The following SPRR2G variants were observed in gnomAD, a reference collection of about 807,000 sequenced individuals.
The protein encoded by SPRR2G is small proline rich protein 2G, also known as small proline-rich protein 2G.
In SPRR2G, 1 loss-of-function variant was observed where a neutral mutation model predicts 0.7. The observed-to-expected ratio is 1.49, with a 90% CI of 0.53 to 7.06. The LOEUF is 7.06. SPRR2G is among the 30% of genes most tolerant of loss of function. SPRR2G has a pLI of 0.14. For synonymous variants in SPRR2G, 38 were observed against 33.9 expected, an observed-to-expected ratio of 1.12 and a Z score of -0.42; for missense variants, 96 against 88.5, an observed-to-expected ratio of 1.09 and a Z score of -0.34.
the SPRR2G span, among the ~76,000 whole-genome samples, chr1:153,188,629 C>T: frequency 6.6e-6 from 1 of 152,306 alleles, no homozygotes; most frequent in Admixed American, 6.5e-5. Flanking sequence ...ATGGGACCCG[C>T]TGATCAAGAT....
chr1:153,182,834 G>A, the SPRR2G span, among the ~76,000 whole-genome samples: 2 of 152,138 alleles, frequency 1.3e-5, no homozygotes, highest in Non-Finnish European at 2.9e-5. Flanking sequence ...TGTGAATAGT[G>A]CTACAATAAA....
chr1:153,183,066 T>C, the SPRR2G span, among the ~76,000 whole-genome samples: 4 of 151,264 alleles, frequency 2.6e-5, no homozygotes, highest in African/African-American at 9.7e-5. Context: ...GACTTTTTTT[T>C]TCTTTTTTTT....
At chr1:153,159,706 A>G in the SPRR2G span, among the ~76,000 whole-genome samples, 2 of 152,214 alleles carry the variant, frequency 1.3e-5, no homozygotes, top group Non-Finnish European at 2.9e-5. Context: ...AGGCCTCAGG[A>G]AACTTACAAT....
At chr1:153,200,848 C>G in the SPRR2G span, among the ~76,000 whole-genome samples, 2 of 151,978 alleles carry the variant, frequency 1.3e-5, no homozygotes, top group Non-Finnish European at 2.9e-5. Flanking sequence ...TTCAGGCATG[C>G]GCCACCACGC....
the SPRR2G span, among the ~76,000 whole-genome samples, chr1:153,175,011 A>G: frequency 6.6e-6 from 1 of 152,206 alleles, no homozygotes; most frequent in African/African-American, 2.4e-5. Context: ...TAATTGTGCT[A>G]TGATGTTGAC....
At chr1:153,202,878 CCCATTCCAA>C in the SPRR2G span, among the ~76,000 whole-genome samples, 82 of 152,246 alleles carry the variant, frequency 5.4e-4, 2 homozygotes, top group Admixed American at 5.4e-3. Flanking sequence ...CTAACACACC[CCCATTCCAA>C]CCACAAAGAC....
At chr1:153,186,079 CTGTT>C in the SPRR2G span, among the ~76,000 whole-genome samples, 6 of 152,114 alleles carry the variant, frequency 3.9e-5, no homozygotes, top group Non-Finnish European at 7.4e-5. Flanking sequence ...GTCTGAGAGA[CTGTT>C]TGTTATAATT....
At chr1:153,153,158 A>G (rs888831193), upstream of SPRR2G, among the ~76,000 whole-genome samples, 19 of 152,154 alleles carry the variant, frequency 1.2e-4, no homozygotes, top group Admixed American at 1.3e-4. Flanking sequence ...TATCTAGGGA[A>G]TAGGAGTGGG....
chr1:153,164,518 C>T, the SPRR2G span, among the ~76,000 whole-genome samples: 2 of 152,162 alleles, frequency 1.3e-5, no homozygotes, highest in Admixed American at 6.6e-5. Context: ...ATACAGTCAT[C>T]CCTCAGTATC....
chr1:153,167,195 C>T, the SPRR2G span, among the ~76,000 whole-genome samples: 1 of 152,170 alleles, frequency 6.6e-6, no homozygotes, highest in Non-Finnish European at 1.5e-5. Flanking sequence ...AAATCTCTGG[C>T]CAGGCGTGGT....
At position 153,149,867 on chromosome 1, in the gene SPRR2G, G is replaced by T; in HGVS notation, c.*22C>A. ...AGCCACTGGATCTTGTTGTTTCATG[G>T]TCCTGATGAATTCTAGTGATGTTAC... On this transcript the variant is annotated 3_prime_UTR_variant, in exon 2 of 2. Coordinates refer to ENST00000368748, the MANE Select transcript of SPRR2G (RefSeq NM_001014291.4). The T allele has an allele frequency of 1.2e-6, 2 of 1,613,570 alleles. No individual in the cohort carries two copies. The highest frequency in any genetic ancestry group is 1.7e-6 in the Non-Finnish European group (2 of 1,179,560).
the SPRR2G span, among the ~76,000 whole-genome samples, chr1:153,157,675 T>G: frequency 6.6e-6 from 1 of 151,944 alleles, no homozygotes. Context: ...TTTGGTTTGG[T>G]TTGGGTTGGG....
chr1:153,179,895 T>G, the SPRR2G span, among the ~76,000 whole-genome samples: 1 of 152,128 alleles, frequency 6.6e-6, no homozygotes, highest in Non-Finnish European at 1.5e-5. Context: ...TAGAGAAGAT[T>G]ATGTCCTCCC....
the SPRR2G span, among the ~76,000 whole-genome samples, chr1:153,188,995 A>C: frequency 2.0e-5 from 3 of 152,168 alleles, no homozygotes; most frequent in African/African-American, 7.2e-5. Context: ...ATGTCTAACC[A>C]GTCCCAATGA....
chr1:153,191,986 T>G, the SPRR2G span, among the ~76,000 whole-genome samples: 1 of 152,180 alleles, frequency 6.6e-6, no homozygotes, highest in African/African-American at 2.4e-5. Context: ...CAACAACAGC[T>G]AGAAAGCATC....
the SPRR2G span, among the ~76,000 whole-genome samples, chr1:153,200,291 G>A: frequency 1.3e-5 from 2 of 152,176 alleles, no homozygotes; most frequent in African/African-American, 4.8e-5. Flanking sequence ...GAAGGGGTCT[G>A]AGGAAAATAT....
chr1:153,173,955 A>T, the SPRR2G span, among the ~76,000 whole-genome samples: 1 of 152,214 alleles, frequency 6.6e-6, no homozygotes, highest in Non-Finnish European at 1.5e-5. Context: ...AGTAATTCAG[A>T]GGCATTCACA....
At chr1:153,192,377 CAGCCACACAAT>C in the SPRR2G span, among the ~76,000 whole-genome samples, 2 of 152,156 alleles carry the variant, frequency 1.3e-5, no homozygotes, top group African/African-American at 4.8e-5. Context: ...CTCCTCCCAC[CAGCCACACAAT>C]AGCCTCTCCC....
At chr1:153,158,589 T>G in the SPRR2G span, among the ~76,000 whole-genome samples, 1 of 152,300 alleles carries the variant, frequency 6.6e-6, no homozygotes, top group Admixed American at 6.5e-5. Flanking sequence ...GATCTACCTT[T>G]CTGAAGTCTG....
Sources: allele counts gnomAD v4.1 joint callset (sites outside exome capture counted in the v4.1 genomes callset), GRCh38; gene constraint gnomAD v4.1.1; transcripts MANE v1.5; gene names NCBI Gene and HGNC (gene_info 2026-07-23, HGNC 2026-07-21).